The following LRGUK variants were observed in gnomAD, a reference collection of about 807,000 sequenced individuals.
LRGUK encodes the protein leucine rich repeats and guanylate kinase domain containing.
In LRGUK, 65 loss-of-function variants were observed where a neutral mutation model predicts 76.0. The ratio of observed to expected loss-of-function variants is 0.85; its 90% confidence interval spans 0.70 to 1.05. The LOEUF (loss-of-function observed/expected upper bound fraction) is 1.05, where lower values mean the gene tolerates loss of function less well. Among genes scored for constraint, LRGUK ranks in the 50% least tolerant of loss-of-function variants. The probability of loss-of-function intolerance (pLI) is 0.00; values close to 1 mark genes in which losing one functional copy is unlikely to be tolerated. For missense variants in LRGUK, 758 were observed against 732.8 expected, an observed-to-expected ratio of 1.03 and a Z score of -0.40; for synonymous variants, 268 against 265.6, an observed-to-expected ratio of 1.01 and a Z score of -0.09.
chr7:134,221,936 G>A lies in LRGUK; in HGVS notation c.1983+18G>A. 1 of 1,575,964 alleles carries A rather than the reference G, an allele frequency of 6.3e-7. No individual in the cohort carries two copies. The highest frequency in any genetic ancestry group is 1.2e-5 in the South Asian group (1 of 84,204). On this transcript the variant is annotated intron_variant, in intron 16 of 19. Coordinates refer to the LRGUK transcript ENST00000285928. Reference sequence around the variant, plus strand: ...CACCAGCGGTAAGAGAGGAATAGAAGGGGTGAAGCCACAACTGAGCTCTAT... The same window carrying A: ...CACCAGCGGTAAGAGAGGAATAGAAAGGGTGAAGCCACAACTGAGCTCTAT...
chr7:134,243,127 C>T (rs931982425), intron 16 of LRGUK, among the ~76,000 whole-genome samples: 1 of 152,208 alleles, frequency 6.6e-6, no homozygotes, highest in Middle Eastern at 3.4e-3. Context: ...GGAAGCATTC[C>T]CTTTGAGAAC....
intron 16 of LRGUK, among the ~76,000 whole-genome samples, chr7:134,244,457 T>C (rs1231842054): frequency 6.6e-6 from 1 of 152,178 alleles, no homozygotes; most frequent in Admixed American, 6.5e-5. Context: ...GAAAACATGC[T>C]CATCATTACT....
chr7:134,133,219 C>A (rs1262735135), intron 1 of LRGUK, among the ~76,000 whole-genome samples: 2 of 152,200 alleles, frequency 1.3e-5, no homozygotes, highest in Non-Finnish European at 2.9e-5. Flanking sequence ...ATCGTTCTCT[C>A]AATGGGCCAT....
At chr7:134,178,844 A>G (rs1799602740) in intron 10 of LRGUK, among the ~76,000 whole-genome samples, 1 of 145,496 alleles carries the variant, frequency 6.9e-6, no homozygotes, top group South Asian at 2.2e-4. Flanking sequence ...TTTCCCAAGC[A>G]TGGTGATGAG....
intron 16 of LRGUK, among the ~76,000 whole-genome samples, chr7:134,229,797 C>T (rs967356205): frequency 1.3e-5 from 2 of 152,064 alleles, no homozygotes; most frequent in African/African-American, 4.8e-5. Context: ...CACTGCTGAG[C>T]AGCAGGAAAG....
At chr7:134,206,698 A>G (rs1244473253) in intron 15 of LRGUK, among the ~76,000 whole-genome samples, 1 of 152,138 alleles carries the variant, frequency 6.6e-6, no homozygotes, top group African/African-American at 2.4e-5. Flanking sequence ...TCTACAAAAT[A>G]AGGTAAAAAC....
chr7:134,211,165 C>T (rs890391472), downstream of LRGUK, among the ~76,000 whole-genome samples: 3 of 152,214 alleles, frequency 2.0e-5, no homozygotes, highest in Admixed American at 6.5e-5. Context: ...ACTCCTGTGC[C>T]TCTTCTGCTG....
At chr7:134,243,348 C>T (rs1294239788) in intron 16 of LRGUK, among the ~76,000 whole-genome samples, 1 of 152,226 alleles carries the variant, frequency 6.6e-6, no homozygotes, top group Non-Finnish European at 1.5e-5. Context: ...TGAGCAGCTT[C>T]AGCAAGGTCT....
chr7:134,178,623 A>C lies in LRGUK; in HGVS notation c.1214+14A>C. ...GATCTTTGACAGGTACTTATTAGAA[A>C]TCCAAAGGCCGGAATTCAGGGTGAG... On this transcript the variant is annotated intron_variant, in intron 10 of 15. Coordinates refer to ENST00000645682, the Ensembl canonical transcript of LRGUK. The C allele has an allele frequency of 1.2e-6, 2 of 1,604,148 alleles. No homozygotes were observed.
chr7:134,187,090 A>T (rs1307154983), intron 11 of LRGUK, among the ~76,000 whole-genome samples: 1 of 152,076 alleles, frequency 6.6e-6, no homozygotes, highest in Admixed American at 6.6e-5. Context: ...TATGCATCGG[A>T]TGGAAAAGGA....
At position 134,221,888 on chromosome 7, in the gene LRGUK, G is replaced by A. The variant is rs146326238; in HGVS notation, c.1953G>A (p.Trp651Ter). The change falls in exon 16 of 20, where the codon TGG becomes TGA. Residue 651 changes from tryptophan (W) to a stop codon, truncating the protein, a stop_gained. Transcript: ENST00000285928. LOFTEE classifies it high-confidence loss of function. ...ACAGAAACTACCTCATTAAATTTTG[G>A]GCCAAACTTTCAGCCAAAAAAACAC... The A allele has an allele frequency of 1.0e-4, 165 of 1,592,954 alleles. No individual in the cohort carries two copies. The African/African-American group carries it at 1.8e-3, about 17-fold the overall frequency.
rs144938746 is a variant in LRGUK at position 134,127,437 on chromosome 7, C to G, written c.70C>G (p.Arg24Gly). The G allele has an allele frequency of 1.8e-5, 29 of 1,613,846 alleles. No individual in the cohort carries two copies. The highest frequency in any genetic ancestry group is 1.6e-4 in the Middle Eastern group (1 of 6,084). ...TCTCCTGAGAGGCTTGGGCAGATCC[C>G]GAACTGGAGCCCGATCGTTACAGTT... The change falls in exon 1 of 16, where the codon CGA (arginine) becomes GGA (glycine). Residue 24 changes from arginine to glycine, a missense_variant. Arg to Gly is a moderately radical substitution (Grantham distance 125). Transcript: ENST00000645682.
intron 12 of LRGUK, among the ~76,000 whole-genome samples, chr7:134,194,713 C>T (rs1434262259): frequency 2.0e-5 from 3 of 152,120 alleles, no homozygotes; most frequent in African/African-American, 7.2e-5. Context: ...TGCACTCCAG[C>T]CTGTGTAACA....
intron 18 of LRGUK, among the ~76,000 whole-genome samples, chr7:134,256,453 C>T (rs1381929057): frequency 7.7e-6 from 1 of 129,874 alleles, no homozygotes; most frequent in Admixed American, 8.2e-5. Flanking sequence ...GAGCGAAACT[C>T]TGTCTCAAAA....
At chr7:134,203,025 A>G (rs113295562) in intron 15 of LRGUK, among the ~76,000 whole-genome samples, 147 of 152,238 alleles carry the variant, frequency 9.7e-4, no homozygotes, top group African/African-American at 3.4e-3. Flanking sequence ...CAACATGGTG[A>G]AACCCTGTCT....
intron 16 of LRGUK, among the ~76,000 whole-genome samples, chr7:134,244,168 A>G (rs1207891020): frequency 3.9e-5 from 6 of 152,252 alleles, no homozygotes; most frequent in African/African-American, 1.4e-4. Flanking sequence ...TAAAACACCA[A>G]AAGCAATGGC....
chr7:134,270,512 A>G, the LRGUK span, among the ~76,000 whole-genome samples: 1 of 152,134 alleles, frequency 6.6e-6, no homozygotes, highest in Non-Finnish European at 1.5e-5. Flanking sequence ...ACCCTGATGT[A>G]ACCATTATTC....
the LRGUK span, among the ~76,000 whole-genome samples, chr7:134,269,748 G>T: frequency 6.6e-6 from 1 of 152,164 alleles, no homozygotes; most frequent in Non-Finnish European, 1.5e-5. Context: ...ATACATAAAA[G>T]ATGTGTGCGC....
chr7:134,242,382 TC>T (rs1481905680), intron 16 of LRGUK, among the ~76,000 whole-genome samples: 1 of 152,088 alleles, frequency 6.6e-6, no homozygotes, highest in Non-Finnish European at 1.5e-5. Flanking sequence ...TCACCATGGA[TC>T]CCACAGAAAT....
Sources: gnomAD v4.1 joint callset for allele counts (sites outside exome capture counted in the v4.1 genomes callset) on GRCh38, gnomAD v4.1.1 for gene constraint, MANE v1.5 for transcripts, NCBI Gene and HGNC (gene_info 2026-07-23, HGNC 2026-07-21) for gene names.